Variants in DPYD observed in about 807,000 individuals in gnomAD.
DPYD encodes dihydropyrimidine dehydrogenase.
DPYD carries 109 observed loss-of-function variants against 116.2 expected under a neutral mutation model. That is an observed-to-expected ratio of 0.94 (90% confidence interval 0.80 to 1.10). DPYD has a LOEUF of 1.10. Among genes scored for constraint, DPYD ranks in the 50% least tolerant of loss-of-function variants. The pLI is 0.00. For missense variants in DPYD, 1,302 were observed against 1,254.5 expected, an observed-to-expected ratio of 1.04 and a Z score of -0.57; for synonymous variants, 440 against 432.0, an observed-to-expected ratio of 1.02 and a Z score of -0.23.
chr1:97,136,719 C>T (rs955703481), intron 20 of DPYD, among the ~76,000 whole-genome samples: 3 of 152,104 alleles, frequency 2.0e-5, no homozygotes, highest in African/African-American at 7.2e-5. Context: ...GTCTGAACTT[C>T]CCCAAAAACA....
chr1:97,515,755 CA>C lies in DPYD; in HGVS notation c.1710del (p.Phe570LeufsTer14). On this transcript the variant is annotated frameshift_variant, in exon 13 of 23. Coordinates refer to ENST00000370192, the MANE Select transcript of DPYD (RefSeq NM_000110.4). LOFTEE classifies it high-confidence loss of function. Reference sequence around the variant, plus strand: ...TCAAGAGAGAAAGTTTTGGTGAGGGCAAAACCCCATCCAGCTTCAAAAGCTC... The same window carrying C: ...TCAAGAGAGAAAGTTTTGGTGAGGGCAAACCCCATCCAGCTTCAAAAGCTC... ...IRRAFEAGWG[F>X]ALTKTFSLDK... 6.2e-7 allele frequency: 1 copy of C among 1,612,672 alleles called. No individual in the cohort carries two copies. Among genetic ancestry groups the C allele is most frequent in the Non-Finnish European group, 8.5e-7 (1 of 1,179,126 alleles).
intron 20 of DPYD, among the ~76,000 whole-genome samples, chr1:97,174,631 T>TAATCA (rs1657118079): frequency 6.6e-6 from 1 of 152,228 alleles, no homozygotes; most frequent in African/African-American, 2.4e-5. Flanking sequence ...AAAGGCTACC[T>TAATCA]GATTAAAAGT....
intron 3 of DPYD, among the ~76,000 whole-genome samples, chr1:97,772,680 G>C (rs141271323): frequency 6.6e-6 from 1 of 152,278 alleles, no homozygotes; most frequent in African/African-American, 2.4e-5. Context: ...CAGTATAGAA[G>C]AATCTCATAC....
At chr1:97,896,774 T>C (rs1029950574) in intron 1 of DPYD, among the ~76,000 whole-genome samples, 3 of 151,932 alleles carry the variant, frequency 2.0e-5, no homozygotes, top group African/African-American at 4.8e-5. Context: ...TTGTCTGTTT[T>C]GGACATGTCA....
At chr1:97,904,375 T>A (rs759955139) in intron 1 of DPYD, among the ~76,000 whole-genome samples, 85 of 151,908 alleles carry the variant, frequency 5.6e-4, no homozygotes, top group Non-Finnish European at 1.5e-4. Flanking sequence ...GACCAGAATA[T>A]ACCTTCCCAA....
intron 8 of DPYD, among the ~76,000 whole-genome samples, chr1:97,636,094 T>C (rs2100805552): frequency 6.6e-6 from 1 of 152,192 alleles, no homozygotes; most frequent in East Asian, 1.9e-4. Context: ...GTGCTGGGAT[T>C]ACAGGCATGA....
At chr1:97,287,313 G>A (rs1187810918) in intron 18 of DPYD, among the ~76,000 whole-genome samples, 1 of 152,162 alleles carries the variant, frequency 6.6e-6, no homozygotes, top group African/African-American at 2.4e-5. Flanking sequence ...GTACCCGGCT[G>A]TGTGAGCAGT....
intron 15 of DPYD, among the ~76,000 whole-genome samples, 154 bp from the exon 16 acceptor site, chr1:97,373,798 A>C (rs192205047): frequency 6.6e-6 from 1 of 152,282 alleles, no homozygotes; most frequent in African/African-American, 2.4e-5. Flanking sequence ...TCTCTCTCTC[A>C]AATTAAGGTC....
At chr1:97,099,539 T>C (rs1650510906) in intron 20 of DPYD, among the ~76,000 whole-genome samples, 1 of 152,144 alleles carries the variant, frequency 6.6e-6, no homozygotes, top group Admixed American at 6.6e-5. Context: ...TGACACATAC[T>C]GCTGGTGATA....
intron 18 of DPYD, among the ~76,000 whole-genome samples, chr1:97,258,559 A>G (rs1237007929): frequency 6.6e-6 from 1 of 152,054 alleles, no homozygotes; most frequent in Admixed American, 6.6e-5. Context: ...TCTATTTCCC[A>G]AGATCAACTC....
chr1:97,618,489 C>T (rs1476072727), intron 8 of DPYD, among the ~76,000 whole-genome samples: 1 of 151,710 alleles, frequency 6.6e-6, no homozygotes, highest in Non-Finnish European at 1.5e-5. Context: ...AAGTCTCCTG[C>T]CTCAGCCTCT....
intron 2 of DPYD, among the ~76,000 whole-genome samples, chr1:97,843,143 G>A (rs578043550): frequency 7.9e-5 from 12 of 152,064 alleles, no homozygotes; most frequent in South Asian, 4.1e-4. Flanking sequence ...TTATACAGAC[G>A]CCTATCTCAG....
intron 16 of DPYD, among the ~76,000 whole-genome samples, chr1:97,349,608 G>T (rs539745747): frequency 1.3e-5 from 2 of 151,902 alleles, no homozygotes; most frequent in South Asian, 4.1e-4. Context: ...TTGGTTTTTT[G>T]TCCTTGTGAT....
At chr1:97,112,794 A>G (rs892172634) in intron 20 of DPYD, among the ~76,000 whole-genome samples, 1 of 152,164 alleles carries the variant, frequency 6.6e-6, no homozygotes, top group African/African-American at 2.4e-5. Context: ...TTGTTGGACA[A>G]GTAAGAAAAG....
intron 8 of DPYD, among the ~76,000 whole-genome samples, chr1:97,604,324 T>C (rs959796162): frequency 3.9e-5 from 6 of 152,110 alleles, no homozygotes; most frequent in Non-Finnish European, 7.4e-5. Flanking sequence ...TATAGAACTG[T>C]TATGTGGACA....
At position 97,721,543 on chromosome 1, in the gene DPYD, A is replaced by C; in HGVS notation, c.450T>G (p.Ile150Met). ...CAAATTGCTGCAATCCACCAATATT[A>C]ATGGGTCCCTCTTCAGTGGCATATA... ...CNLYATEEGP[I>M]NIGGLQQFAT... The change falls in exon 5 of 23, where the codon ATT (isoleucine) becomes ATG (methionine). Residue 150 changes from isoleucine (I) to methionine (M), a missense_variant. Transcript: ENST00000370192. 1 of 1,611,672 alleles carries C rather than the reference A, an allele frequency of 6.2e-7. No homozygotes were observed. The highest frequency in any genetic ancestry group is 8.5e-7 in the Non-Finnish European group (1 of 1,178,352).
At position 97,539,711 on chromosome 1, in the gene DPYD, A is replaced by C. The variant is rs940477709; in HGVS notation, c.1524+9849T>G. 7.2e-5 allele frequency among the ~76,000 whole-genome samples: 11 copies of C among 152,220 alleles called. 1 individual carries two copies. Among genetic ancestry groups the C allele is most frequent in the Non-Finnish European group, 1.3e-4 (9 of 68,040 alleles). On this transcript the variant is annotated intron_variant, in intron 12 of 22. Transcript: ENST00000370192. The stretch of plus-strand genomic sequence containing the variant: ...GTGATTATAATTTCTATAAAGATCA[A>C]CATTATTTGACAAAATGTTCCATGT...
At chr1:97,823,066 C>T (rs1330501789) in intron 3 of DPYD, among the ~76,000 whole-genome samples, 2 of 152,180 alleles carry the variant, frequency 1.3e-5, no homozygotes, top group African/African-American at 2.4e-5. Context: ...TGTTTCAATA[C>T]ATATTAGATT....
chr1:97,471,809 C>T (rs538552432), intron 13 of DPYD, among the ~76,000 whole-genome samples: 3 of 152,128 alleles, frequency 2.0e-5, no homozygotes, highest in African/African-American at 7.2e-5. Flanking sequence ...ACCCTGGTCT[C>T]AAACTCCTGG....
Sources: gnomAD v4.1 joint callset for allele counts (sites outside exome capture counted in the v4.1 genomes callset) on GRCh38, gnomAD v4.1.1 for gene constraint, MANE v1.5 for transcripts, NCBI Gene and HGNC (gene_info 2026-07-23, HGNC 2026-07-21) for gene names.